MGST1: variants seen among roughly 807,000 people sequenced by gnomAD.
The protein encoded by MGST1 is microsomal glutathione S-transferase 1, also known as glutathione S-transferase 12.
A neutral mutation model predicts 8.9 loss-of-function variants in MGST1; 5 were observed. The ratio of observed to expected loss-of-function variants is 0.56; its 90% CI spans 0.29 to 1.19. MGST1 has a LOEUF of 1.19. Ranked by LOEUF, MGST1 falls within the 50% of genes most tolerant of loss-of-function variation. The pLI, the probability that MGST1 is intolerant of heterozygous loss-of-function variation, is 0.08. For missense variants in MGST1, 182 were observed against 187.4 expected (o/e 0.97, Z 0.17); for synonymous variants, 54 against 67.8 (o/e 0.80, Z 1.00).
chr12:16,372,347 A>G (rs966483022), intron 3 of MGST1, among the ~76,000 whole-genome samples: 5 of 152,104 alleles, frequency 3.3e-5, no homozygotes, highest in African/African-American at 7.2e-5. Flanking sequence ...AAGTCAAGTA[A>G]TCCACTTAAA....
At chr12:16,536,506 G>A (rs1012248613) in intron 4 of MGST1, among the ~76,000 whole-genome samples, 2 of 152,138 alleles carry the variant, frequency 1.3e-5, no homozygotes, top group Admixed American at 6.5e-5. Context: ...TGGTAATTCT[G>A]GTTAGAATTC....
intron 4 of MGST1, among the ~76,000 whole-genome samples, chr12:16,526,473 G>A (rs998905874): frequency 6.6e-6 from 1 of 151,904 alleles, no homozygotes; most frequent in African/African-American, 2.4e-5. Flanking sequence ...CTCACTGAAA[G>A]AAATCAAACT....
chr12:16,485,122 C>G (rs775518503), intron 4 of MGST1, among the ~76,000 whole-genome samples: 1 of 152,196 alleles, frequency 6.6e-6, no homozygotes, highest in Non-Finnish European at 1.5e-5. Flanking sequence ...CACCTTCCCC[C>G]TCTTAAAACC....
chr12:16,474,888 A>G (rs1163988837), intron 4 of MGST1, among the ~76,000 whole-genome samples: 1 of 152,182 alleles, frequency 6.6e-6, no homozygotes, highest in African/African-American at 2.4e-5. Flanking sequence ...CATTATTGGG[A>G]TAAGAATAAA....
At chr12:16,385,692 CT>C (rs11290450) in intron 1 of MGST1, among the ~76,000 whole-genome samples, 56,908 of 138,286 alleles carry the variant, frequency 0.41, 11,455 homozygotes, top group East Asian at 0.61. Context: ...AAAGGGCTTT[CT>C]TTTTTTTTTT....
chr12:16,472,391 G>A (rs1040780107), intron 4 of MGST1, among the ~76,000 whole-genome samples: 1 of 150,268 alleles, frequency 6.7e-6, no homozygotes, highest in Non-Finnish European at 1.5e-5. Flanking sequence ...TTGGGTAAAC[G>A]CCTGCCCACC....
At chr12:16,526,028 T>G (rs1335031950) in intron 4 of MGST1, among the ~76,000 whole-genome samples, 1 of 146,348 alleles carries the variant, frequency 6.8e-6, no homozygotes, top group African/African-American at 2.7e-5. Flanking sequence ...GAGTTCATTG[T>G]AGATTCTGGA....
chr12:16,399,741 A>G, intron 1 of MGST1: 1 of 1,163,300 alleles, frequency 8.6e-7, no homozygotes, highest in Admixed American at 1.7e-5. Context: ...GAGGGACTGT[A>G]CTCCTTCTGT....
intron 4 of MGST1, among the ~76,000 whole-genome samples, chr12:16,488,870 A>G (rs2137153981): frequency 6.6e-6 from 1 of 152,234 alleles, no homozygotes; most frequent in African/African-American, 2.4e-5. Context: ...CTGCTCCAAG[A>G]GGCTGAGGCA....
chr12:16,424,773 T>TC (rs1437715068), intron 1 of MGST1, among the ~76,000 whole-genome samples: 1 of 152,110 alleles, frequency 6.6e-6, no homozygotes, highest in Non-Finnish European at 1.5e-5. Flanking sequence ...CCTTGTCATT[T>TC]CCCCACCATC....
At chr12:16,366,494 C>T (rs1279618044), downstream of MGST1, among the ~76,000 whole-genome samples, 1 of 152,028 alleles carries the variant, frequency 6.6e-6, no homozygotes, top group Non-Finnish European at 1.5e-5. This position sits in a 1 kb window ranked among gnomAD's most constrained non-coding sequence, Gnocchi z 4.0. Context: ...TGTGATAGGA[C>T]TCAGGTGGAA....
chr12:16,400,107 G>A (rs953337152), intron 1 of MGST1: 1 of 1,563,686 alleles, frequency 6.4e-7, no homozygotes, highest in Non-Finnish European at 8.8e-7. Context: ...TTTTCAGTTT[G>A]TGCCTCATTT....
At chr12:16,501,452 TCTC>T (rs1324794280) in intron 4 of MGST1, among the ~76,000 whole-genome samples, 2 of 152,204 alleles carry the variant, frequency 1.3e-5, no homozygotes. Context: ...TGCAACATGT[TCTC>T]CTTTTGGTTC....
chr12:16,459,864 C>T (rs184564580), intron 4 of MGST1, among the ~76,000 whole-genome samples: 16 of 152,130 alleles, frequency 1.1e-4, no homozygotes, highest in Admixed American at 9.8e-4. Flanking sequence ...GAAAGTCTCC[C>T]GTGGCGGTTT....
chr12:16,412,118 G>A (rs1940746990), intron 1 of MGST1, among the ~76,000 whole-genome samples: 1 of 152,144 alleles, frequency 6.6e-6, no homozygotes, highest in Admixed American at 6.6e-5. Context: ...TGTGGACATT[G>A]AGGCTATATT....
Position 16,584,718 on chromosome 12 carries a change from A to G in MGST1, n.483-4810A>G, listed in dbSNP as rs1943264433. On this transcript the variant is annotated intron_variant and non_coding_transcript_variant, in intron 4 of 4. Coordinates refer to the MGST1 transcript ENST00000538857. This position sits in a 1 kb window ranked among gnomAD's most constrained non-coding sequence, Gnocchi z 5.2. The stretch of plus-strand genomic sequence containing the variant: ...GCTGCCATGAAGTTCAAGAAACAGC[A>G]AGAGATTTCTTTTATCAGGACGGGC... Among the ~76,000 whole-genome samples the G allele has an allele frequency of 6.6e-6, 1 of 152,144 alleles. No individual in the cohort carries two copies. Among genetic ancestry groups the G allele is most frequent in the Admixed American group, 6.6e-5 (1 of 15,262 alleles).
At position 16,546,942 on chromosome 12, in the gene MGST1, C is replaced by T. The variant is rs1453240727; in HGVS notation, n.483-42586C>T. On this transcript the variant is annotated intron_variant and non_coding_transcript_variant, in intron 4 of 4. Coordinates refer to the MGST1 transcript ENST00000538857. The surrounding 1 kb of genome is among the most constrained non-coding windows in gnomAD (Gnocchi z 4.7). Reference sequence around the variant, plus strand: ...TCAGGAAAAGTTACTGAAATTAAATCGTGTGTATACTAAAGCGTTGTAAAA... The same window carrying T: ...TCAGGAAAAGTTACTGAAATTAAATTGTGTGTATACTAAAGCGTTGTAAAA... 6.6e-6 allele frequency among the ~76,000 whole-genome samples: 1 copy of T among 152,040 alleles called. No individual in the cohort carries two copies. Among genetic ancestry groups the T allele is most frequent in the Non-Finnish European group, 1.5e-5 (1 of 68,004 alleles).
chr12:16,513,607 A>T lies in MGST1; in HGVS notation n.483-75921A>T, dbSNP rs1941591301. 1 of 494,610 alleles carries T rather than the reference A, an allele frequency of 2.0e-6. No individual in the cohort carries two copies. The highest frequency in any genetic ancestry group is 1.5e-5 in the South Asian group (1 of 65,660). The allele number at this position is 494,610 out of a possible 1,614,324, so 30.6% of individuals were successfully genotyped here. On this transcript the variant is annotated intron_variant and non_coding_transcript_variant, in intron 4 of 4. Coordinates refer to the MGST1 transcript ENST00000538857. This position sits in a 1 kb window ranked among gnomAD's most constrained non-coding sequence, Gnocchi z 4.2. ...TAGTGCCTACAGGGACCACAACGGA[A>T]AGCCTTACAGCATCCACAAGGCAGA...
downstream of MGST1, among the ~76,000 whole-genome samples, chr12:16,378,183 GC>G: frequency 6.6e-6 from 1 of 152,206 alleles, no homozygotes; most frequent in Non-Finnish European, 1.5e-5. Context: ...GGCTTTTGTT[GC>G]CATTGCTTTT....
Sources: gnomAD v4.1 joint callset for allele counts (sites outside exome capture counted in the v4.1 genomes callset) on GRCh38, gnomAD v4.1.1 for gene constraint, Gnocchi (gnomAD v3.1) non-coding constraint, MANE v1.5 for transcripts, NCBI Gene and HGNC (gene_info 2026-07-23, HGNC 2026-07-21) for gene names.